Variants in MYPN observed in about 807,000 individuals in gnomAD.
The protein encoded by MYPN is sarcomeric protein myopalladin, 145 kDa (MYOP).
A neutral mutation model predicts 129.4 loss-of-function variants in MYPN; 63 were observed. The ratio of observed to expected loss-of-function variants is 0.49; its 90% CI spans 0.40 to 0.60. The LOEUF (loss-of-function observed/expected upper bound fraction) is 0.60. MYPN is among the 20% of genes least tolerant of loss of function. The probability of loss-of-function intolerance (pLI) is 0.00; values close to 1 mark genes in which losing one functional copy is unlikely to be tolerated. For missense variants in MYPN, 1,596 were observed against 1,635.4 expected (o/e 0.98, Z 0.42); for synonymous variants, 629 against 600.9 (o/e 1.05, Z -0.68).
intron 19 of MYPN, among the ~76,000 whole-genome samples, chr10:68,209,318 G>T (rs920162674): frequency 4.6e-5 from 7 of 152,188 alleles, no homozygotes; most frequent in African/African-American, 1.7e-4. Flanking sequence ...AGCACTTGGT[G>T]AACATAGAAA....
intron 19 of MYPN, among the ~76,000 whole-genome samples, chr10:68,208,472 G>A (rs892057284): frequency 3.3e-5 from 5 of 152,142 alleles, no homozygotes; most frequent in Non-Finnish European, 7.4e-5. Flanking sequence ...TGGAGAAATC[G>A]GGGGAGAAAG....
intron 2 of MYPN, among the ~76,000 whole-genome samples, chr10:68,135,804 T>G (rs1014071015): frequency 6.6e-6 from 1 of 152,158 alleles, no homozygotes; most frequent in African/African-American, 2.4e-5. Flanking sequence ...TGAGATAATT[T>G]TAGCCCTTGT....
rs1365467442 is a variant in MYPN, at chr10:68,188,932, A to G, written c.2731A>G (p.Arg911Gly). The change falls in exon 13 of 20, where the codon AGG becomes GGG. Residue 911 changes from arginine to glycine, a missense_variant. Arg to Gly is a moderately radical substitution (Grantham distance 125). Transcript: ENST00000358913. ...GTACAAAATTTCAAGCTTTGAGCAG[A>G]GGCTGATGAATGAAATAGAGTTTCG... ...QEYKISSFEQ[R>G]LMNEIEFRLE... 6.2e-7 allele frequency: 1 copy of G among 1,614,062 alleles called. No individual in the cohort carries two copies. The highest frequency in any genetic ancestry group is 8.5e-7 in the Non-Finnish European group (1 of 1,179,992).
intron 1 of MYPN, among the ~76,000 whole-genome samples, chr10:68,100,640 C>G (rs576428577): frequency 6.6e-6 from 1 of 152,082 alleles, no homozygotes; most frequent in African/African-American, 2.4e-5. Flanking sequence ...TAGTAGTAAG[C>G]CGGTTTAGAA....
chr10:68,124,407 G>A (rs768150863), intron 2 of MYPN, among the ~76,000 whole-genome samples: 4 of 152,144 alleles, frequency 2.6e-5, no homozygotes, highest in Non-Finnish European at 4.4e-5. Context: ...TGTAAATAGG[G>A]CATCTGGGCA....
At chr10:68,153,719 A>G (rs2042817556) in intron 6 of MYPN, among the ~76,000 whole-genome samples, 1 of 152,226 alleles carries the variant, frequency 6.6e-6, no homozygotes, top group African/African-American at 2.4e-5. Context: ...TGCCAGTGTC[A>G]TTAGCAAATT....
At chr10:68,196,483 C>CTTTTTTTTTTTT (rs71009021) in intron 15 of MYPN, among the ~76,000 whole-genome samples, 73 of 112,506 alleles carry the variant, frequency 6.5e-4, no homozygotes, top group Non-Finnish European at 9.8e-4. Context: ...CCTTCTTCTT[C>CTTTTTTTTTTTT]TTTTTTTTTT....
rs536336759 is a variant in MYPN, at chr10:68,122,502, G to A, written c.902+162G>A. On this transcript the variant is annotated intron_variant, in intron 2 of 19. Transcript: ENST00000358913. ...TTGGTCCAATAGAAATGTAAACCTAGTCACGTATGTAGTTTTAATTTCTCT... is the reference window on the plus strand; with the variant it reads ...TTGGTCCAATAGAAATGTAAACCTAATCACGTATGTAGTTTTAATTTCTCT... Among the ~76,000 whole-genome samples the A allele has an allele frequency of 3.3e-5, 5 of 152,274 alleles. No homozygotes were observed. In the South Asian group the frequency reaches 8.3e-4, roughly 25 times the overall value.
intron 3 of MYPN, 107 bp from the exon 4 acceptor site, chr10:68,145,368 G>A: frequency 7.9e-6 from 7 of 886,152 alleles, no homozygotes; most frequent in Admixed American, 2.0e-5. Flanking sequence ...CAGATATTTA[G>A]GAATCAGGTA....
At chr10:68,189,968 C>A (rs1428019199) in intron 13 of MYPN, among the ~76,000 whole-genome samples, 1 of 152,140 alleles carries the variant, frequency 6.6e-6, no homozygotes, top group African/African-American at 2.4e-5. Context: ...ATAGCAGCTG[C>A]ACTACTTTAC....
intron 10 of MYPN, among the ~76,000 whole-genome samples, chr10:68,172,653 T>C (rs1036751222): frequency 1.3e-5 from 2 of 152,208 alleles, no homozygotes; most frequent in African/African-American, 4.8e-5. Context: ...ATGGAGAAAC[T>C]GCTTCCAGTT....
upstream of MYPN, among the ~76,000 whole-genome samples, chr10:68,108,358 T>G (rs765271383): frequency 2.6e-5 from 4 of 152,242 alleles, no homozygotes; most frequent in Non-Finnish European, 4.4e-5. Flanking sequence ...TCACGATGAC[T>G]GAAGAGGATA....
intron 10 of MYPN, among the ~76,000 whole-genome samples, chr10:68,171,274 G>A (rs575821352): frequency 2.6e-5 from 4 of 152,280 alleles, no homozygotes; most frequent in African/African-American, 9.6e-5. Flanking sequence ...GTGAGATAAT[G>A]TCAGACAAAA....
chr10:68,141,869 A>G (rs2042584173), intron 2 of MYPN, among the ~76,000 whole-genome samples: 1 of 152,188 alleles, frequency 6.6e-6, no homozygotes, highest in South Asian at 2.1e-4. Flanking sequence ...GTTAAAATTC[A>G]ATTATATATC....
upstream of MYPN, among the ~76,000 whole-genome samples, chr10:68,107,430 T>C (rs1055778056): frequency 1.8e-4 from 27 of 147,908 alleles, no homozygotes; most frequent in Non-Finnish European, 4.0e-4. Context: ...AACCTCTGCC[T>C]CCCAGGTTCA....
chr10:68,112,632 G>A (rs2133967512), intron 1 of MYPN, among the ~76,000 whole-genome samples: 1 of 152,198 alleles, frequency 6.6e-6, no homozygotes, highest in East Asian at 1.9e-4. Flanking sequence ...GCATTTGTCT[G>A]TATTTATCTT....
chr10:68,120,663 C>A (rs563740671), intron 1 of MYPN, among the ~76,000 whole-genome samples: 4 of 152,160 alleles, frequency 2.6e-5, no homozygotes, highest in Non-Finnish European at 5.9e-5. Context: ...TTCATATTTT[C>A]AGTAACTAGG....
chr10:68,098,700 C>T (rs925250599), intron 1 of MYPN, among the ~76,000 whole-genome samples: 5 of 151,674 alleles, frequency 3.3e-5, no homozygotes, highest in East Asian at 3.9e-4. Context: ...AAAATTAGCC[C>T]GGTGTGGTGG....
intron 1 of MYPN, among the ~76,000 whole-genome samples, chr10:68,095,733 G>A (rs1377994500): frequency 6.6e-6 from 1 of 151,964 alleles, no homozygotes; most frequent in Non-Finnish European, 1.5e-5. Flanking sequence ...ACAGAAAGGA[G>A]AATGGTGGTT....
Sources: gnomAD v4.1 joint callset for allele counts (sites outside exome capture counted in the v4.1 genomes callset) on GRCh38, gnomAD v4.1.1 for gene constraint, MANE v1.5 for transcripts, NCBI Gene and HGNC (gene_info 2026-07-23, HGNC 2026-07-21) for gene names.